The following ACTR3C variants were observed in gnomAD, a reference collection of about 807,000 sequenced individuals.
ACTR3C encodes the protein actin-related protein 3C.
In ACTR3C, 18 loss-of-function variants were observed where a neutral mutation model predicts 26.3. The observed-to-expected ratio is 0.68, with a 90% CI of 0.47 to 1.01. The LOEUF is 1.01. Among genes scored for constraint, ACTR3C ranks in the 50% least tolerant of loss-of-function variants. The pLI, the probability that ACTR3C is intolerant of heterozygous loss-of-function variation, is 0.00. For missense variants in ACTR3C, 184 were observed against 250.7 expected, an observed-to-expected ratio of 0.73 and a Z score of 1.80; for synonymous variants, 55 against 94.5, an observed-to-expected ratio of 0.58 and a Z score of 2.42.
the ACTR3C span, among the ~76,000 whole-genome samples, chr7:149,948,072 A>AG: frequency 1.4e-5 from 2 of 144,448 alleles, no homozygotes; most frequent in Non-Finnish European, 3.0e-5. Context: ...CCCCTGCTTC[A>AG]GTCACAGGGC....
the ACTR3C span, among the ~76,000 whole-genome samples, chr7:150,014,909 C>T: frequency 0.23 from 34,608 of 152,016 alleles, 4,191 homozygotes; most frequent in East Asian, 0.41. Flanking sequence ...TCCTCTCCAT[C>T]CTCTCCATAA....
chr7:149,900,584 AAAAG>A, the ACTR3C span, among the ~76,000 whole-genome samples: 7 of 151,946 alleles, frequency 4.6e-5, no homozygotes, highest in East Asian at 1.2e-3. Flanking sequence ...ACATCAAGAA[AAAAG>A]AAAGAACAAT....
the ACTR3C span, among the ~76,000 whole-genome samples, chr7:150,130,532 A>C: frequency 6.6e-6 from 1 of 152,246 alleles, no homozygotes; most frequent in Non-Finnish European, 1.5e-5. Flanking sequence ...GTGAAGTTAC[A>C]GGTGGCAAAT....
chr7:150,145,303 C>G, the ACTR3C span, among the ~76,000 whole-genome samples: 1 of 152,030 alleles, frequency 6.6e-6, no homozygotes, highest in Non-Finnish European at 1.5e-5. Context: ...CTGTAGGTCC[C>G]CAGCTGTATA....
chr7:150,277,929 C>T (rs564745235), intron 6 of ACTR3C, among the ~76,000 whole-genome samples: 14 of 152,292 alleles, frequency 9.2e-5, no homozygotes, highest in African/African-American at 2.4e-4. Context: ...AAATTGTCAA[C>T]GCCCTCAGGA....
chr7:150,257,722 A>T (rs1344137907), intron 6 of ACTR3C, among the ~76,000 whole-genome samples: 1 of 152,236 alleles, frequency 6.6e-6, no homozygotes, highest in Non-Finnish European at 1.5e-5. Flanking sequence ...AAGCCAGAGG[A>T]TATGCTGAAG....
intron 4 of ACTR3C, among the ~76,000 whole-genome samples, chr7:150,287,167 T>C (rs2531067): frequency 0.16 from 24,103 of 146,536 alleles, 2,793 homozygotes; most frequent in African/African-American, 0.31. Context: ...TCAATCAACA[T>C]AGATTTATTG....
the ACTR3C span, among the ~76,000 whole-genome samples, chr7:150,092,118 G>T: frequency 6.9e-6 from 1 of 145,594 alleles, no homozygotes; most frequent in African/African-American, 2.5e-5. Flanking sequence ...CTCAGGATAG[G>T]TAAGTAGAAA....
At chr7:150,309,630 G>C (rs1477635398) in intron 1 of ACTR3C, among the ~76,000 whole-genome samples, 1 of 152,178 alleles carries the variant, frequency 6.6e-6, no homozygotes, top group Non-Finnish European at 1.5e-5. Context: ...TGATTCAAGT[G>C]CCGCAAAACT....
At chr7:149,906,596 T>G in the ACTR3C span, among the ~76,000 whole-genome samples, 9 of 151,058 alleles carry the variant, frequency 6.0e-5, no homozygotes, top group Non-Finnish European at 8.9e-5. Context: ...CATCCCGGGT[T>G]AATTTTTGTA....
chr7:150,037,096 C>A, the ACTR3C span, among the ~76,000 whole-genome samples: 3 of 106,690 alleles, frequency 2.8e-5, no homozygotes, highest in African/African-American at 3.2e-5. Context: ...CGATGGGGGT[C>A]CTAAGAGCCA....
the ACTR3C span, among the ~76,000 whole-genome samples, chr7:149,922,633 A>C: frequency 6.6e-6 from 1 of 151,814 alleles, no homozygotes; most frequent in African/African-American, 2.4e-5. Flanking sequence ...ATAAAATGTG[A>C]TATGAATTTT....
the ACTR3C span, among the ~76,000 whole-genome samples, chr7:149,962,226 C>G: frequency 6.6e-6 from 1 of 152,058 alleles, no homozygotes; most frequent in African/African-American, 2.4e-5. Context: ...GGTGTTCACT[C>G]ACAAGAAGTG....
the ACTR3C span, among the ~76,000 whole-genome samples, chr7:150,011,652 A>G: frequency 6.6e-6 from 1 of 152,154 alleles, no homozygotes; most frequent in Non-Finnish European, 1.5e-5. Context: ...TTGCAATAGA[A>G]AGCCATGGCT....
the ACTR3C span, among the ~76,000 whole-genome samples, chr7:150,110,248 G>T: frequency 2.0e-5 from 3 of 151,450 alleles, no homozygotes; most frequent in African/African-American, 7.3e-5. Flanking sequence ...CAATTCCCTG[G>T]GCAAAGCAAA....
At chr7:150,165,732 G>A in the ACTR3C span, among the ~76,000 whole-genome samples, 1 of 151,636 alleles carries the variant, frequency 6.6e-6, no homozygotes, top group African/African-American at 2.4e-5. Flanking sequence ...GTGCACAGCT[G>A]GGCAGCTTGA....
At chr7:150,068,782 C>CAAA in the ACTR3C span, among the ~76,000 whole-genome samples, 42 of 76,704 alleles carry the variant, frequency 5.5e-4, 1 homozygote, top group South Asian at 8.0e-3. Context: ...GACTCCGTCC[C>CAAA]AAAAAAAAAA....
At chr7:150,197,907 C>G in the ACTR3C span, among the ~76,000 whole-genome samples, 30 of 150,032 alleles carry the variant, frequency 2.0e-4, no homozygotes, top group Admixed American at 1.6e-3. Flanking sequence ...CATGCGGAGC[C>G]GAAGCTGGAC....
At chr7:150,025,242 A>G in the ACTR3C span, among the ~76,000 whole-genome samples, 6 of 151,552 alleles carry the variant, frequency 4.0e-5, no homozygotes, top group African/African-American at 1.2e-4. Flanking sequence ...GCCTCATTGC[A>G]CTTTTGCAAT....
Sources: gnomAD v4.1 joint callset for allele counts (sites outside exome capture counted in the v4.1 genomes callset) on GRCh38, gnomAD v4.1.1 for gene constraint, MANE v1.5 for transcripts, NCBI Gene and HGNC (gene_info 2026-07-23, HGNC 2026-07-21) for gene names.